Variants in EPHA10 observed in about 807,000 individuals in gnomAD.
The protein encoded by EPHA10 is EPH receptor A10, also known as ephrin type-A receptor 10.
A neutral mutation model predicts 109.7 loss-of-function variants in EPHA10; 120 were observed. The observed-to-expected ratio is 1.09, with a 90% CI of 0.94 to 1.27. The LOEUF (loss-of-function observed/expected upper bound fraction) is 1.27, where lower values mean the gene tolerates loss of function less well. Ranked by LOEUF, EPHA10 falls within the 50% of genes most tolerant of loss-of-function variation. The pLI is 0.00. For missense variants in EPHA10, 1,396 were observed against 1,411.1 expected, an observed-to-expected ratio of 0.99 and a Z score of 0.17; for synonymous variants, 640 against 618.9, an observed-to-expected ratio of 1.03 and a Z score of -0.51.
chr1:37,760,218 C>T (rs1646419679), intron 3 of EPHA10: 1 of 965,570 alleles, frequency 1.0e-6, no homozygotes. Flanking sequence ...TTCTTGAGAG[C>T]TAGGACTATG....
intron 5 of EPHA10, among the ~76,000 whole-genome samples, chr1:37,736,476 CAAAAAAAAA>C (rs543417433): frequency 6.9e-5 from 4 of 57,836 alleles, no homozygotes; most frequent in Non-Finnish European, 1.2e-4. Flanking sequence ...AATTCTGTCT[CAAAAAAAAA>C]AAAAAAAAAA....
At chr1:37,739,136 A>T (rs1280152043) in intron 5 of EPHA10, among the ~76,000 whole-genome samples, 3 of 152,112 alleles carry the variant, frequency 2.0e-5, no homozygotes, top group Non-Finnish European at 4.4e-5. Flanking sequence ...TGTACCCTAG[A>T]ACTTAAAGTA....
intron 3 of EPHA10, 175 bp downstream of exon 3, chr1:37,761,230 G>C: frequency 6.7e-7 from 1 of 1,497,440 alleles, no homozygotes; most frequent in East Asian, 2.3e-5. Flanking sequence ...CATTGGCCCT[G>C]ACTGGACTCA....
rs1003848407 is a variant in EPHA10, at chr1:37,754,666, A to C, written c.851-296T>G. Among the ~76,000 whole-genome samples the C allele has an allele frequency of 6.6e-6, 1 of 152,268 alleles. No individual in the cohort carries two copies. Among genetic ancestry groups the C allele is most frequent in the Admixed American group, 6.5e-5 (1 of 15,300 alleles). On this transcript the variant is annotated intron_variant, in intron 3 of 16. Coordinates refer to ENST00000373048, the MANE Select transcript of EPHA10 (RefSeq NM_001099439.2). This position sits in a 1 kb window ranked among gnomAD's most constrained non-coding sequence, Gnocchi z 4.5. The stretch of plus-strand genomic sequence containing the variant: ...CCAAAGCTGGAGATCACTTGAGCCC[A>C]GGAGTTGGAGACCAGCCTGGACAAC...
chr1:37,741,366 T>C (rs1319935948), intron 5 of EPHA10, among the ~76,000 whole-genome samples: 1 of 152,152 alleles, frequency 6.6e-6, no homozygotes, highest in Non-Finnish European at 1.5e-5. Context: ...TTGAGGAAAG[T>C]ACCGATCAGA....
At position 37,765,041 on chromosome 1, in the gene EPHA10, G is replaced by A; in HGVS notation, c.26C>T (p.Pro9Leu). METCAGPH[P>L]LRLFLCRMQL... The stretch of plus-strand genomic sequence containing the variant: ...CATCCGGCAGAGGAAGAGGCGCAGC[G>A]GGTGTGGACCGGCGCAGGTCTCCAT... The change falls in exon 1 of 17, where the codon CCG becomes CTG. Residue 9 changes from proline (P) to leucine (L), a missense_variant. By Grantham distance (98) the Pro-to-Leu change is moderately conservative (BLOSUM62 -3). Coordinates refer to ENST00000373048, the MANE Select transcript of EPHA10 (RefSeq NM_001099439.2). 6.2e-7 allele frequency: 1 copy of A among 1,607,684 alleles called. No homozygotes were observed.
Position 37,718,026 on chromosome 1 carries a change from C to T in EPHA10, c.*346G>A. On this transcript the variant is annotated 3_prime_UTR_variant, in exon 17 of 17. Transcript: ENST00000373048. ...CCCAGCCCCCAGTGGGTACAAATGG[C>T]AGTAGGGCATGAGCCAGGGCAATCT... 1 of 339,456 alleles carries T rather than the reference C, an allele frequency of 2.9e-6. No individual in the cohort carries two copies. The highest frequency in any genetic ancestry group is 5.4e-6 in the Non-Finnish European group (1 of 185,330). The allele number at this position is 339,456 out of a possible 1,614,324, so 21.0% of individuals were successfully genotyped here.
At chr1:37,733,046 C>T (rs370953085) in intron 6 of EPHA10, among the ~76,000 whole-genome samples, 2 of 151,368 alleles carry the variant, frequency 1.3e-5, no homozygotes, top group African/African-American at 2.4e-5. Context: ...GCACCCACCA[C>T]CATGTCTGGC....
At chr1:37,762,375 T>G (rs1646441786) in intron 2 of EPHA10, among the ~76,000 whole-genome samples, 2 of 152,152 alleles carry the variant, frequency 1.3e-5, no homozygotes. Flanking sequence ...CCCTTTGCAC[T>G]CCACCAAGCT....
At position 37,764,750 on chromosome 1, in the gene EPHA10, G is replaced by A. The variant is rs543623447; in HGVS notation, c.106+211C>T. On this transcript the variant is annotated intron_variant, in intron 1 of 16. Transcript: ENST00000373048. The surrounding 1 kb of genome is among the most constrained non-coding windows in gnomAD (Gnocchi z 5.8). ...TGGCCTCTTTCTTTCCCAACCTCCC[G>A]GGTCTCCAGCCCCCAAGCTCCTCAG... 1.4e-3 allele frequency among the ~76,000 whole-genome samples: 209 copies of A among 151,730 alleles called. 4 individuals carry two copies. The highest frequency in any genetic ancestry group is 7.2e-4 in the Non-Finnish European group (49 of 67,948).
chr1:37,726,693 C>T (rs1453587479), intron 8 of EPHA10, among the ~76,000 whole-genome samples: 1 of 152,218 alleles, frequency 6.6e-6, no homozygotes, highest in Non-Finnish European at 1.5e-5. Flanking sequence ...CCCTCCCACA[C>T]ACATACATAC....
At chr1:37,729,966 G>C (rs1478431184) in intron 7 of EPHA10, among the ~76,000 whole-genome samples, 2 of 152,012 alleles carry the variant, frequency 1.3e-5, no homozygotes, top group African/African-American at 2.4e-5. Context: ...CAAGAAGGGA[G>C]ACTGGGGATC....
chr1:37,721,738 C>T lies in EPHA10; in HGVS notation c.2068G>A (p.Gly690Ser), dbSNP rs988143294. The T allele has an allele frequency of 4.3e-6, 7 of 1,612,446 alleles. No homozygotes were observed. Among genetic ancestry groups the T allele is most frequent in the Non-Finnish European group, 5.9e-6 (7 of 1,179,840 alleles). ...RDSASDSQRLGFLAEALTLGQ... is the reference protein window; with the variant it reads ...RDSASDSQRLSFLAEALTLGQ... ...AGCGTGAGGGCCTCGGCCAGGAAGC[C>T]GAGCCTCTGTGAGTCGGAGGCGCTG... is the stretch of plus-strand genomic sequence containing the variant. Residue 690 changes from glycine to serine, a missense_variant, in exon 11 of 17, where the codon GGC (glycine) becomes AGC (serine). Transcript: ENST00000373048.
chr1:37,720,644 C>T (rs1645777380), intron 12 of EPHA10, 90 bp from the exon 13 acceptor site: 2 of 1,532,522 alleles, frequency 1.3e-6, no homozygotes, highest in East Asian at 4.7e-5. Flanking sequence ...TCTCGCCAGG[C>T]TTTAGTTCAC....
rs35146993 is a variant in EPHA10 at position 37,744,663 on chromosome 1, G to GAA, written c.1357+8211_1357+8212dup. On this transcript the variant is annotated intron_variant, in intron 5 of 16. Transcript: ENST00000373048. ...CAACAGAGCAAGACTCCATCTTGGG[G>GAA]AAAAAAAAAAAGAAACTAAAAGCTT... is the stretch of plus-strand genomic sequence containing the variant. Among the ~76,000 whole-genome samples, 166 of 147,266 alleles carry GAA rather than the reference G, an allele frequency of 1.1e-3. 1 individual carries two copies. Among genetic ancestry groups the GAA allele is most frequent in the African/African-American group, 2.8e-3 (112 of 40,188 alleles).
rs374180883 is a variant in EPHA10 at position 37,731,541 on chromosome 1, C to T, written c.1533G>A (p.Ala511=). 1.5e-4 allele frequency: 250 copies of T among 1,613,904 alleles called. 3 individuals are homozygous for T. The South Asian group carries it at 2.3e-3, about 15-fold the overall frequency. The part of the protein sequence containing the change: ...EQTYSMVKTG[A]PTVTVTNLKP... ...TCAGGTTGGTGACGGTGACTGTGGG[C>T]GCCCCTGTCTTCACCATGGAGTAAG... Residue 511 remains alanine, a synonymous_variant, in exon 7 of 17, where the codon GCG becomes GCA. Transcript: ENST00000373048.
rs956255697 is a variant in EPHA10 at position 37,761,583 on chromosome 1, G to A, written c.672C>T (p.Thr224=). 3 of 1,599,186 alleles carry A rather than the reference G, an allele frequency of 1.9e-6. No homozygotes were observed. Among genetic ancestry groups the A allele is most frequent in the Admixed American group, 1.7e-5 (1 of 59,486 alleles). ...TVRGLATFPA[T]AAESAFSTLV... Reference sequence around the variant, plus strand: ...GTGTGGAGAAGGCGCTCTCGGCTGCGGTGGCTGGGAACGTGGCCAGGCCCC... The same window carrying A: ...GTGTGGAGAAGGCGCTCTCGGCTGCAGTGGCTGGGAACGTGGCCAGGCCCC... Residue 224 remains threonine, a synonymous_variant, in exon 3 of 17, where the codon ACC becomes ACT. Transcript: ENST00000373048.
Position 37,720,345 on chromosome 1 carries a change from C to T in EPHA10, c.2412+6G>A, listed in dbSNP as rs1645768793. On this transcript the variant is annotated splice_donor_region_variant and intron_variant, in intron 13 of 16. Transcript: ENST00000373048. Reference sequence around the variant, plus strand: ...CACAGGCAGGCTTGGCTGGGGGCGCCCTCACCATAGTGGTGTAGACAGCCT... The same window carrying T: ...CACAGGCAGGCTTGGCTGGGGGCGCTCTCACCATAGTGGTGTAGACAGCCT... The T allele has an allele frequency of 1.4e-5, 22 of 1,594,192 alleles. No homozygotes were observed. Among genetic ancestry groups the T allele is most frequent in the Non-Finnish European group, 1.7e-5 (20 of 1,170,438 alleles).
At chr1:37,744,221 T>C (rs1646196437) in intron 5 of EPHA10, among the ~76,000 whole-genome samples, 1 of 152,076 alleles carries the variant, frequency 6.6e-6, no homozygotes, top group African/African-American at 2.4e-5. Flanking sequence ...TCATCAAAAT[T>C]AAAAGCTTTT....
Sources: gnomAD v4.1 joint callset for allele counts (sites outside exome capture counted in the v4.1 genomes callset) on GRCh38, gnomAD v4.1.1 for gene constraint, Gnocchi (gnomAD v3.1) non-coding constraint, MANE v1.5 for transcripts, NCBI Gene and HGNC (gene_info 2026-07-23, HGNC 2026-07-21) for gene names.